Variants in TMEM117 observed in about 807,000 individuals in gnomAD.
The protein encoded by TMEM117 is transmembrane protein 117.
TMEM117 carries 27 observed loss-of-function variants against 52.4 expected under a neutral mutation model. That is an observed-to-expected ratio of 0.51 (90% CI 0.38 to 0.71). TMEM117 has a LOEUF of 0.71. Among genes scored for constraint, TMEM117 ranks in the 30% least tolerant of loss-of-function variants. The pLI, the probability that TMEM117 is intolerant of heterozygous loss-of-function variation, is 0.00. For missense variants in TMEM117, 556 were observed against 630.5 expected, an observed-to-expected ratio of 0.88 and a Z score of 1.26; for synonymous variants, 215 against 206.3, an observed-to-expected ratio of 1.04 and a Z score of -0.36.
chr12:44,364,484 A>G (rs926649700), intron 6 of TMEM117, among the ~76,000 whole-genome samples: 1 of 152,128 alleles, frequency 6.6e-6, no homozygotes, highest in Non-Finnish European at 1.5e-5. Flanking sequence ...TCACAATAAC[A>G]TTACAGATTA....
intron 1 of TMEM117, among the ~76,000 whole-genome samples, chr12:43,836,421 G>C (rs1421787690): frequency 6.6e-6 from 1 of 152,160 alleles, no homozygotes; most frequent in Non-Finnish European, 1.5e-5. Context: ...TGTCAAGGAG[G>C]GAGGGGGGAC....
At chr12:44,316,529 G>A (rs555824779) in intron 6 of TMEM117, among the ~76,000 whole-genome samples, 1 of 152,186 alleles carries the variant, frequency 6.6e-6, no homozygotes, top group East Asian at 1.9e-4. Context: ...CTTTAGCATT[G>A]TCCTTGGGCA....
chr12:44,212,117 T>C (rs1949654037), intron 5 of TMEM117, among the ~76,000 whole-genome samples: 1 of 152,220 alleles, frequency 6.6e-6, no homozygotes, highest in Non-Finnish European at 1.5e-5. Flanking sequence ...ATGGTTTTGC[T>C]TTCCCTGGTT....
chr12:43,951,602 C>T (rs941596607), intron 3 of TMEM117, among the ~76,000 whole-genome samples: 16 of 152,192 alleles, frequency 1.1e-4, no homozygotes, highest in African/African-American at 3.4e-4. Flanking sequence ...GTAGAAAGTC[C>T]ACCAGCTCCA....
upstream of TMEM117, among the ~76,000 whole-genome samples, chr12:43,832,854 A>C (rs775094373): frequency 8.5e-5 from 13 of 152,250 alleles, no homozygotes. Flanking sequence ...CGTGTTTAGC[A>C]GCTATCTCAC....
At chr12:44,241,493 G>T (rs75523074) in intron 5 of TMEM117, among the ~76,000 whole-genome samples, 3 of 151,712 alleles carry the variant, frequency 2.0e-5, no homozygotes, top group Non-Finnish European at 4.4e-5. Context: ...TTTTTGCCAC[G>T]CAGAAATATT....
chr12:44,328,296 G>A (rs1951222580), intron 6 of TMEM117, among the ~76,000 whole-genome samples: 1 of 152,144 alleles, frequency 6.6e-6, no homozygotes, highest in African/African-American at 2.4e-5. Context: ...TTTGGCCAGT[G>A]TATTGCAGTA....
intron 4 of TMEM117, among the ~76,000 whole-genome samples, chr12:44,143,885 AAC>A (rs1396191997): frequency 2.0e-5 from 3 of 152,162 alleles, no homozygotes; most frequent in African/African-American, 7.2e-5. Context: ...TACCTATCTA[AAC>A]ACACATGTAT....
intron 2 of TMEM117, among the ~76,000 whole-genome samples, chr12:43,904,925 C>A (rs1455444416): frequency 6.6e-6 from 1 of 152,154 alleles, no homozygotes; most frequent in Non-Finnish European, 1.5e-5. Context: ...AGGCAGATCA[C>A]CTGAGGTCGG....
intron 6 of TMEM117, among the ~76,000 whole-genome samples, chr12:44,366,520 T>G (rs1260605529): frequency 6.6e-6 from 1 of 152,148 alleles, no homozygotes; most frequent in Non-Finnish European, 1.5e-5. Context: ...CCAGTGTATC[T>G]TGTTTTCCTA....
At chr12:44,231,858 C>T (rs2138454179) in intron 5 of TMEM117, among the ~76,000 whole-genome samples, 1 of 151,730 alleles carries the variant, frequency 6.6e-6, no homozygotes, top group East Asian at 1.9e-4. Flanking sequence ...GTATATGGTG[C>T]TCATTTGGTA....
chr12:43,804,410 C>A, the TMEM117 span: 1 of 864,826 alleles, frequency 1.2e-6, no homozygotes, highest in South Asian at 1.5e-5. Flanking sequence ...ATTAATAGTT[C>A]AAATCACTGA....
In TMEM117 at chr12:44,235,014, T is replaced by C. The variant is rs181628585; in HGVS notation, c.608+23627T>C. Among the ~76,000 whole-genome samples, 222 of 151,780 alleles carry C rather than the reference T, an allele frequency of 1.5e-3. 1 individual carries two copies. Among genetic ancestry groups the C allele is most frequent in the Admixed American group, 4.5e-3 (69 of 15,226 alleles). ...TTTACCATTTTTATGTGTCTACTTC[T>C]TTTAGTTACTGAGAGCTACATGTAA... On this transcript the variant is annotated intron_variant, in intron 5 of 7. Coordinates refer to ENST00000266534, the MANE Select transcript of TMEM117 (RefSeq NM_032256.3).
At chr12:44,041,068 C>T (rs1056142435) in intron 3 of TMEM117, among the ~76,000 whole-genome samples, 2 of 152,162 alleles carry the variant, frequency 1.3e-5, no homozygotes, top group African/African-American at 4.8e-5. Context: ...GTACAGAACA[C>T]TCCAGTGAAT....
chr12:43,955,190 C>T lies in TMEM117; in HGVS notation c.410+10848C>T, dbSNP rs976244625. Among the ~76,000 whole-genome samples, 8 of 151,780 alleles carry T rather than the reference C, an allele frequency of 5.3e-5. No homozygotes were observed. In the South Asian group the frequency reaches 6.2e-4, roughly 12 times the overall value. On this transcript the variant is annotated intron_variant, in intron 3 of 7. Transcript: ENST00000266534. ...AGTCAATAACATATCAATAACATAC[C>T]GAATGGGCAAAAACTGGAGGCATTG...
intron 4 of TMEM117, among the ~76,000 whole-genome samples, chr12:44,160,155 G>T (rs192585658): frequency 0.012 from 1,751 of 150,294 alleles, 22 homozygotes; most frequent in South Asian, 0.053. Context: ...AATCCACAGA[G>T]AAAGGCTCAT....
At chr12:43,983,481 G>A (rs571475129) in intron 3 of TMEM117, among the ~76,000 whole-genome samples, 2 of 148,534 alleles carry the variant, frequency 1.3e-5, no homozygotes, top group African/African-American at 2.5e-5. Flanking sequence ...ATAGGTTGGT[G>A]CAAAAGTAAT....
intron 3 of TMEM117, chr12:44,009,350 T>G (rs1224560584): frequency 9.3e-6 from 2 of 216,130 alleles, no homozygotes; most frequent in East Asian, 3.3e-4. Flanking sequence ...TCACAGATAC[T>G]CTGCATTACA....
intron 6 of TMEM117, among the ~76,000 whole-genome samples, chr12:44,311,179 G>C (rs140861260): frequency 6.6e-6 from 1 of 151,104 alleles, no homozygotes; most frequent in Non-Finnish European, 1.5e-5. Flanking sequence ...TTTTATGTGA[G>C]TATATATATA....
Sources: gnomAD v4.1 joint callset for allele counts (sites outside exome capture counted in the v4.1 genomes callset) on GRCh38, gnomAD v4.1.1 for gene constraint, MANE v1.5 for transcripts, NCBI Gene and HGNC (gene_info 2026-07-23, HGNC 2026-07-21) for gene names.